Variants in MACROD2 observed in about 807,000 individuals in gnomAD.
MACROD2 encodes the protein mono-ADP ribosylhydrolase 2, also known as ADP-ribose glycohydrolase MACROD2.
A neutral mutation model predicts 70.4 loss-of-function variants in MACROD2; 36 were observed. The observed-to-expected ratio is 0.51, with a 90% CI of 0.39 to 0.68. The LOEUF (loss-of-function observed/expected upper bound fraction) is 0.68, where lower values mean the gene tolerates loss of function less well. Among genes scored for constraint, MACROD2 ranks in the 30% least tolerant of loss-of-function variants. MACROD2 has a pLI of 0.00. For missense variants in MACROD2, 496 were observed against 538.4 expected (o/e 0.92, Z 0.78); for synonymous variants, 172 against 178.8 (o/e 0.96, Z 0.30).
intron 2 of MACROD2, among the ~76,000 whole-genome samples, chr20:14,024,034 G>A (rs201931812): frequency 1.3e-5 from 2 of 152,058 alleles, no homozygotes; most frequent in South Asian, 2.1e-4. Context: ...ATCCATGAGC[G>A]TGGAATGTTT....
chr20:15,607,628 G>C (rs1003784443), intron 8 of MACROD2, among the ~76,000 whole-genome samples: 1 of 152,126 alleles, frequency 6.6e-6, no homozygotes, highest in East Asian at 1.9e-4. Context: ...CTGCCTCCCG[G>C]GTTCAAGCGA....
At chr20:15,577,878 T>A (rs1408569448) in intron 8 of MACROD2, among the ~76,000 whole-genome samples, 1 of 152,214 alleles carries the variant, frequency 6.6e-6, no homozygotes, top group African/African-American at 2.4e-5. Flanking sequence ...TTGTGAACCA[T>A]CCTTCACTGA....
At chr20:15,000,604 T>G (rs1349875304) in intron 5 of MACROD2, among the ~76,000 whole-genome samples, 6 of 111,492 alleles carry the variant, frequency 5.4e-5, no homozygotes, top group Non-Finnish European at 9.9e-5. Context: ...CAGTCCGGCC[T>G]GGGCGACAGA....
intron 3 of MACROD2, among the ~76,000 whole-genome samples, chr20:14,275,908 C>A (rs1481641400): frequency 6.6e-6 from 1 of 152,186 alleles, no homozygotes; most frequent in Non-Finnish European, 1.5e-5. Context: ...CAGAAAAATG[C>A]AAATCAAAAC....
chr20:15,999,970 A>G (rs774154350), intron 15 of MACROD2, among the ~76,000 whole-genome samples: 2 of 152,234 alleles, frequency 1.3e-5, no homozygotes, highest in South Asian at 4.1e-4. Context: ...GATTTGATTC[A>G]TCATTGATTC....
At chr20:14,538,566 T>G (rs2085394710) in intron 4 of MACROD2, among the ~76,000 whole-genome samples, 1 of 152,182 alleles carries the variant, frequency 6.6e-6, no homozygotes. Flanking sequence ...GCCTGTCTTC[T>G]AGTCTTCACC....
chr20:15,422,480 C>A (rs144140309), intron 6 of MACROD2, among the ~76,000 whole-genome samples: 23 of 151,990 alleles, frequency 1.5e-4, no homozygotes, highest in African/African-American at 5.5e-4. Flanking sequence ...CTTTCTGTGA[C>A]CTTGGACAAG....
chr20:14,123,418 C>T (rs1048117277), intron 3 of MACROD2, among the ~76,000 whole-genome samples: 3 of 152,124 alleles, frequency 2.0e-5, no homozygotes, highest in South Asian at 2.1e-4. Flanking sequence ...GAAGGAGCCT[C>T]ACCTTCATCA....
intron 6 of MACROD2, among the ~76,000 whole-genome samples, chr20:15,329,728 GT>G (rs1403368360): frequency 6.6e-6 from 1 of 151,994 alleles, no homozygotes; most frequent in African/African-American, 2.4e-5. Flanking sequence ...TATGCTAGTG[GT>G]TCTCAAAGGG....
intron 6 of MACROD2, among the ~76,000 whole-genome samples, chr20:15,244,635 G>C (rs1424168794): frequency 6.6e-6 from 1 of 152,140 alleles, no homozygotes; most frequent in African/African-American, 2.4e-5. Flanking sequence ...TTGGCCAAAA[G>C]GCATAGTATT....
intron 3 of MACROD2, among the ~76,000 whole-genome samples, chr20:14,389,030 A>T (rs556051241): frequency 1.3e-5 from 2 of 151,716 alleles, no homozygotes; most frequent in South Asian, 4.2e-4. Flanking sequence ...GGCACCCTCC[A>T]CCATACCCAG....
In MACROD2 at chr20:14,326,815, G is replaced by A; in HGVS notation, c.272-166664G>A. 6.2e-7 allele frequency: 1 copy of A among 1,613,764 alleles called. No homozygotes were observed. Among genetic ancestry groups the A allele is most frequent in the Non-Finnish European group, 8.5e-7 (1 of 1,179,802 alleles). On this transcript the variant is annotated intron_variant, in intron 3 of 17. Coordinates refer to ENST00000684519, the MANE Select transcript of MACROD2 (RefSeq NM_001351661.2). The surrounding 1 kb of genome is among the most constrained non-coding windows in gnomAD (Gnocchi z 5.5). ...AGCAGTCAGGGAATTCCGCACCAGG[G>A]ACAGCTCTGTCAAATTAACTAGGTT... is the stretch of plus-strand genomic sequence containing the variant.
rs757639074 is a variant in MACROD2, at chr20:15,332,528, A to G, written c.541-98877A>G. ...ATTTAGATAAAAACAAGCTTTAAAT[A>G]TGGGATTCCTAATACAAATGTACAG... On this transcript the variant is annotated intron_variant, in intron 6 of 17. Coordinates refer to ENST00000684519, the MANE Select transcript of MACROD2 (RefSeq NM_001351661.2). Among the ~76,000 whole-genome samples, 23 of 151,694 alleles carry G rather than the reference A, an allele frequency of 1.5e-4. 1 individual carries two copies. Among genetic ancestry groups the G allele is most frequent in the Non-Finnish European group, 1.8e-4 (12 of 68,022 alleles).
intron 4 of MACROD2, among the ~76,000 whole-genome samples, chr20:14,681,492 G>A (rs900737883): frequency 6.6e-6 from 1 of 152,096 alleles, no homozygotes; most frequent in African/African-American, 2.4e-5. Flanking sequence ...GTAAAAGAAG[G>A]CAGTCTCTCT....
chr20:15,242,386 G>C (rs977660501), intron 6 of MACROD2, among the ~76,000 whole-genome samples: 1 of 152,154 alleles, frequency 6.6e-6, no homozygotes, highest in Admixed American at 6.5e-5. Context: ...ATCCCATTTA[G>C]TTGTGTCATG....
intron 5 of MACROD2, among the ~76,000 whole-genome samples, chr20:15,207,442 T>G (rs1437607926): frequency 7.5e-6 from 1 of 133,856 alleles, no homozygotes; most frequent in Non-Finnish European, 1.6e-5. Flanking sequence ...TCTGGTTTTT[T>G]TTTTTTTTTT....
At chr20:15,012,835 G>T (rs2075093511) in intron 5 of MACROD2, among the ~76,000 whole-genome samples, 1 of 152,144 alleles carries the variant, frequency 6.6e-6, no homozygotes, top group Non-Finnish European at 1.5e-5. Context: ...AAGCACAATT[G>T]CAGTTTGAAT....
At chr20:14,681,208 A>G (rs749270317) in intron 4 of MACROD2, among the ~76,000 whole-genome samples, 2 of 152,304 alleles carry the variant, frequency 1.3e-5, no homozygotes, top group South Asian at 2.1e-4. Context: ...GAAAACTGTT[A>G]TGTTAGTTCT....
chr20:15,500,440 G>A (rs893767164), intron 8 of MACROD2, among the ~76,000 whole-genome samples: 3 of 152,084 alleles, frequency 2.0e-5, no homozygotes, highest in Non-Finnish European at 4.4e-5. Flanking sequence ...GATGAATAGG[G>A]GAATTACTCA....
Sources: gnomAD v4.1 joint callset for allele counts (sites outside exome capture counted in the v4.1 genomes callset) on GRCh38, gnomAD v4.1.1 for gene constraint, Gnocchi (gnomAD v3.1) non-coding constraint, MANE v1.5 for transcripts, NCBI Gene and HGNC (gene_info 2026-07-23, HGNC 2026-07-21) for gene names.